The following ANKRD30BL variants were observed in gnomAD, a reference collection of about 807,000 sequenced individuals.
ANKRD30BL encodes putative ankyrin repeat domain-containing protein 30B-like.
In ANKRD30BL, 20 loss-of-function variants were observed where a neutral mutation model predicts 18.4. The ratio of observed to expected loss-of-function variants is 1.09; its 90% CI spans 0.77 to 1.58. The LOEUF is 1.58. Among genes scored for constraint, ANKRD30BL ranks in the 40% most tolerant of loss-of-function variants. ANKRD30BL has a pLI of 0.00. For missense variants in ANKRD30BL, 224 were observed against 268.6 expected (o/e 0.83, Z 1.16); for synonymous variants, 72 against 100.9 (o/e 0.71, Z 1.72).
intron 5 of ANKRD30BL, among the ~76,000 whole-genome samples, chr2:132,150,094 T>G (rs972748258): frequency 5.3e-5 from 8 of 152,046 alleles, no homozygotes; most frequent in African/African-American, 1.9e-4. Flanking sequence ...ACCCTAACTC[T>G]CATGTTGCTC....
chr2:132,233,301 C>G (rs1470000600), intron 1 of ANKRD30BL, among the ~76,000 whole-genome samples: 5 of 149,648 alleles, frequency 3.3e-5, no homozygotes, highest in African/African-American at 1.2e-4. Context: ...AACCAGCTAA[C>G]ATCATAATGA....
upstream of ANKRD30BL, among the ~76,000 whole-genome samples, chr2:132,166,562 AG>A (rs1573811262): frequency 6.6e-6 from 1 of 152,100 alleles, no homozygotes; most frequent in Admixed American, 6.6e-5. Context: ...CATTTTATAT[AG>A]GTTATTGAAC....
chr2:132,204,757 C>T lies in ANKRD30BL; in HGVS notation n.442-47611G>A, dbSNP rs533961897. ...TACTCTAAATTTTCTTGGCCACTGG[C>T]TTGATATTATCATCGTTAGATGAGA... On this transcript the variant is annotated intron_variant and non_coding_transcript_variant, in intron 1 of 4. Coordinates refer to the ANKRD30BL transcript ENST00000470729. Among the ~76,000 whole-genome samples the T allele has an allele frequency of 3.3e-5, 5 of 152,022 alleles. No homozygotes were observed. In the East Asian group the frequency reaches 9.7e-4, roughly 29 times the overall value.
intron 1 of ANKRD30BL, among the ~76,000 whole-genome samples, chr2:132,178,739 C>A (rs1214125766): frequency 1.3e-5 from 2 of 151,274 alleles, no homozygotes; most frequent in South Asian, 2.1e-4. Flanking sequence ...GACTGTATGG[C>A]AAACTTTGAG....
intron 1 of ANKRD30BL, among the ~76,000 whole-genome samples, chr2:132,181,967 C>T (rs945728246): frequency 2.6e-5 from 4 of 151,616 alleles, no homozygotes; most frequent in East Asian, 1.9e-4. Context: ...CAAAATTAGC[C>T]GGGCGTGGTG....
At chr2:132,224,463 C>T (rs79801515) in intron 1 of ANKRD30BL, among the ~76,000 whole-genome samples, 13 of 150,866 alleles carry the variant, frequency 8.6e-5, no homozygotes, top group African/African-American at 1.7e-4. Flanking sequence ...TTGTTGGAAA[C>T]GGGAATATCT....
intron 1 of ANKRD30BL, among the ~76,000 whole-genome samples, chr2:132,190,789 AT>A (rs922499195): frequency 6.6e-6 from 1 of 152,160 alleles, no homozygotes; most frequent in African/African-American, 2.4e-5. Context: ...GCAGATGCAG[AT>A]TTTTTTGTTT....
At chr2:132,179,232 A>T (rs1688416621) in intron 1 of ANKRD30BL, among the ~76,000 whole-genome samples, 1 of 152,082 alleles carries the variant, frequency 6.6e-6, no homozygotes, top group Non-Finnish European at 1.5e-5. Flanking sequence ...ATAATACCTG[A>T]TAATGATAAT....
chr2:132,223,114 C>T (rs1573861264), intron 1 of ANKRD30BL, among the ~76,000 whole-genome samples: 1 of 152,114 alleles, frequency 6.6e-6, no homozygotes, highest in African/African-American at 2.4e-5. Flanking sequence ...AATATATTTA[C>T]ATAAAAATTA....
At chr2:132,242,380 T>C (rs1282062296) in intron 1 of ANKRD30BL, among the ~76,000 whole-genome samples, 2 of 150,314 alleles carry the variant, frequency 1.3e-5, no homozygotes, top group East Asian at 2.0e-4. Flanking sequence ...TCAAATAAAA[T>C]CTAGACAGAA....
chr2:132,236,626 C>A (rs1490521154), intron 1 of ANKRD30BL, among the ~76,000 whole-genome samples: 2 of 152,138 alleles, frequency 1.3e-5, no homozygotes, highest in African/African-American at 2.4e-5. Flanking sequence ...GAGGAAACAA[C>A]ACATGCTGGA....
At chr2:132,225,782 G>A (rs1679827950) in intron 1 of ANKRD30BL, among the ~76,000 whole-genome samples, 3 of 152,122 alleles carry the variant, frequency 2.0e-5, no homozygotes, top group South Asian at 2.1e-4. Flanking sequence ...TGTAGAATCT[G>A]CAAGTGGACA....
chr2:132,173,967 T>C (rs1688323709), intron 1 of ANKRD30BL, among the ~76,000 whole-genome samples: 1 of 152,170 alleles, frequency 6.6e-6, no homozygotes, highest in Non-Finnish European at 1.5e-5. Context: ...GAACTGTACA[T>C]AGATTTTGAA....
intron 1 of ANKRD30BL, among the ~76,000 whole-genome samples, chr2:132,201,020 A>G (rs952941840): frequency 1.3e-5 from 2 of 152,198 alleles, no homozygotes; most frequent in Non-Finnish European, 2.9e-5. Context: ...TCTTTGACAA[A>G]CCTGAGAAAA....
chr2:132,180,725 A>G (rs1324027875), intron 1 of ANKRD30BL, among the ~76,000 whole-genome samples: 2 of 152,222 alleles, frequency 1.3e-5, no homozygotes, highest in African/African-American at 4.8e-5. Flanking sequence ...AGCTCTTTCT[A>G]TTAACGATTA....
At chr2:132,240,912 T>C (rs541550523) in intron 1 of ANKRD30BL, among the ~76,000 whole-genome samples, 1 of 152,064 alleles carries the variant, frequency 6.6e-6, no homozygotes, top group East Asian at 1.9e-4. Context: ...TGAACCTTTC[T>C]TTTGATACAG....
chr2:132,224,486 T>C (rs1286804162), intron 1 of ANKRD30BL, among the ~76,000 whole-genome samples: 2 of 151,962 alleles, frequency 1.3e-5, no homozygotes, highest in African/African-American at 2.4e-5. Flanking sequence ...ACATAAGTAC[T>C]GGACAGAGGC....
chr2:132,174,028 G>C (rs1051883833), intron 1 of ANKRD30BL, among the ~76,000 whole-genome samples: 2 of 152,116 alleles, frequency 1.3e-5, no homozygotes, highest in Non-Finnish European at 2.9e-5. Context: ...ATGTAAACCC[G>C]TGCTTTATTT....
At chr2:132,216,174 A>G (rs1303552513) in intron 1 of ANKRD30BL, among the ~76,000 whole-genome samples, 1 of 151,972 alleles carries the variant, frequency 6.6e-6, no homozygotes, top group African/African-American at 2.4e-5. Context: ...ATGGTGGAAA[A>G]GGAAGTATCT....
Sources: gnomAD v4.1 joint callset for allele counts (sites outside exome capture counted in the v4.1 genomes callset) on GRCh38, gnomAD v4.1.1 for gene constraint, MANE v1.5 for transcripts, NCBI Gene and HGNC (gene_info 2026-07-23, HGNC 2026-07-21) for gene names.